Variants in TACR1 observed in about 807,000 individuals in gnomAD.
The protein encoded by TACR1 is substance-P receptor.
Under a neutral mutation model 35.8 loss-of-function variants are expected in TACR1, and 25 were observed. The observed-to-expected ratio is 0.70, with a 90% CI of 0.51 to 0.98. The LOEUF is 0.98. TACR1 is among the 50% of genes least tolerant of loss of function. The probability of loss-of-function intolerance (pLI) is 0.00; values close to 1 mark genes in which losing one functional copy is unlikely to be tolerated. For missense variants in TACR1, 478 were observed against 522.9 expected (o/e 0.91, Z 0.84); for synonymous variants, 195 against 206.7 (o/e 0.94, Z 0.48).
At chr2:75,109,150 A>G (rs1673704579) in intron 2 of TACR1, among the ~76,000 whole-genome samples, 1 of 152,186 alleles carries the variant, frequency 6.6e-6, no homozygotes, top group South Asian at 2.1e-4. Context: ...AGGGGTGAGG[A>G]CAAACCTTGA....
intron 2 of TACR1, chr2:75,090,676 C>G (rs929814126): frequency 6.5e-6 from 1 of 153,524 alleles, no homozygotes; most frequent in African/African-American, 2.4e-5. Flanking sequence ...CCAATCACCA[C>G]TCTTTTAATC....
At chr2:75,153,517 C>T (rs146487057) in intron 1 of TACR1, among the ~76,000 whole-genome samples, 3 of 152,290 alleles carry the variant, frequency 2.0e-5, no homozygotes, top group African/African-American at 7.2e-5. Context: ...TTCAGTTTTA[C>T]AAGGGAAGCA....
chr2:75,122,442 C>T (rs936706200), intron 1 of TACR1, among the ~76,000 whole-genome samples: 1 of 152,194 alleles, frequency 6.6e-6, no homozygotes, highest in African/African-American at 2.4e-5. Flanking sequence ...ATTTCCCTCT[C>T]TGGTCTGTAA....
chr2:75,101,296 A>T (rs1665076153), intron 2 of TACR1, among the ~76,000 whole-genome samples: 1 of 152,204 alleles, frequency 6.6e-6, no homozygotes, highest in African/African-American at 2.4e-5. Flanking sequence ...CTTTTTAATA[A>T]GTCCTCTCAT....
intron 2 of TACR1, among the ~76,000 whole-genome samples, chr2:75,115,076 T>C (rs1673823378): frequency 8.5e-6 from 1 of 117,490 alleles, no homozygotes; most frequent in Admixed American, 9.0e-5. Context: ...AGGGGATTTG[T>C]TAACATACGT....
intron 1 of TACR1, among the ~76,000 whole-genome samples, chr2:75,153,852 C>T (rs1411078061): frequency 2.6e-5 from 4 of 152,164 alleles, no homozygotes; most frequent in East Asian, 1.9e-4. Flanking sequence ...AAGCTAATTC[C>T]AGGTCATCAG....
At chr2:75,078,873 G>A (rs1673028021) in intron 2 of TACR1, among the ~76,000 whole-genome samples, 1 of 152,110 alleles carries the variant, frequency 6.6e-6, no homozygotes, top group South Asian at 2.1e-4. Flanking sequence ...CGTTGCTTTA[G>A]ACCCCCTTTT....
At chr2:75,118,866 G>A (rs1673912596) in intron 2 of TACR1, 1 of 152,046 alleles carries the variant, frequency 6.6e-6, no homozygotes, top group Non-Finnish European at 1.5e-5. Context: ...GCTTGAACAT[G>A]TTCACAGGTT....
chr2:75,052,837 G>T (rs1672494127), intron 3 of TACR1, among the ~76,000 whole-genome samples: 2 of 151,972 alleles, frequency 1.3e-5, no homozygotes, highest in East Asian at 1.9e-4. Context: ...GGCTTTCCAT[G>T]ATAAGAATTA....
At chr2:75,161,396 C>T (rs1675006762) in intron 1 of TACR1, among the ~76,000 whole-genome samples, 1 of 151,906 alleles carries the variant, frequency 6.6e-6, no homozygotes, top group African/African-American at 2.4e-5. Flanking sequence ...TATGAGTTAA[C>T]ATTCCATAAA....
intron 1 of TACR1, among the ~76,000 whole-genome samples, chr2:75,180,056 G>C (rs182460519): frequency 6.6e-6 from 1 of 152,040 alleles, no homozygotes; most frequent in Non-Finnish European, 1.5e-5. Context: ...TATTCTAGCT[G>C]TCCCTTCTAC....
chr2:75,156,689 G>A (rs1273275192), intron 1 of TACR1, among the ~76,000 whole-genome samples: 1 of 151,766 alleles, frequency 6.6e-6, no homozygotes, highest in African/African-American at 2.4e-5. Context: ...TTGGACTTCT[G>A]GTCTACATAA....
At chr2:75,176,012 C>CA (rs34884122) in intron 1 of TACR1, among the ~76,000 whole-genome samples, 26,023 of 109,472 alleles carry the variant, frequency 0.24, 4,363 homozygotes, top group African/African-American at 0.5. Context: ...TTGAGCTGTC[C>CA]AAAAAAAAAA....
At chr2:75,065,857 C>G (rs1023393238) in intron 2 of TACR1, among the ~76,000 whole-genome samples, 1 of 152,142 alleles carries the variant, frequency 6.6e-6, no homozygotes, top group African/African-American at 2.4e-5. Context: ...TTTGAAAAAG[C>G]ACTTAAAATA....
rs140963123 is a variant in TACR1 at position 75,198,657 on chromosome 2, G to A, written c.278C>T (p.Ala93Val). The change falls in exon 1 of 5, where the codon GCT becomes GTT. Residue 93 changes from alanine to valine, a missense_variant. Coordinates refer to ENST00000305249, the MANE Select transcript of TACR1 (RefSeq NM_001058.4). ...AFNTVVNFTYAVHNEWYYGLF... is the reference protein window; with the variant it reads ...AFNTVVNFTYVVHNEWYYGLF... ...GCCGTAGTACCATTCGTTGTGGACA[G>A]CATAGGTGAAGTTCACCACTGTATT... 1.9e-6 allele frequency: 3 copies of A among 1,614,236 alleles called. No individual in the cohort carries two copies. Among genetic ancestry groups the A allele is most frequent in the Non-Finnish European group, 2.5e-6 (3 of 1,180,034 alleles).
intron 2 of TACR1, among the ~76,000 whole-genome samples, chr2:75,100,199 G>T (rs1287307890): frequency 6.6e-6 from 1 of 152,166 alleles, no homozygotes; most frequent in Admixed American, 6.5e-5. Flanking sequence ...TTCAGATTCT[G>T]GTTTTGCCAC....
chr2:75,168,383 T>G (rs938135263), intron 1 of TACR1, among the ~76,000 whole-genome samples: 3 of 152,186 alleles, frequency 2.0e-5, no homozygotes, highest in African/African-American at 7.2e-5. Context: ...CTGCCCAATC[T>G]AATCAGGTGG....
intron 2 of TACR1, among the ~76,000 whole-genome samples, chr2:75,064,395 G>GC (rs1193423947): frequency 6.6e-6 from 1 of 152,218 alleles, no homozygotes; most frequent in Non-Finnish European, 1.5e-5. Flanking sequence ...CAAGTTAGAC[G>GC]GTCTTTGGGT....
At chr2:75,103,331 A>G (rs1448554923) in intron 2 of TACR1, among the ~76,000 whole-genome samples, 1 of 152,090 alleles carries the variant, frequency 6.6e-6, no homozygotes, top group Non-Finnish European at 1.5e-5. Context: ...ACACGACACA[A>G]CACAAAAAGC....
Sources: gnomAD v4.1 joint callset for allele counts (sites outside exome capture counted in the v4.1 genomes callset) on GRCh38, gnomAD v4.1.1 for gene constraint, MANE v1.5 for transcripts, NCBI Gene and HGNC (gene_info 2026-07-23, HGNC 2026-07-21) for gene names.